The following KMT2C variants were observed in gnomAD, a reference collection of about 807,000 sequenced individuals.
The protein encoded by KMT2C is lysine methyltransferase 2C.
In KMT2C, 88 loss-of-function variants were observed where a neutral mutation model predicts 507.9. The observed-to-expected ratio is 0.17, with a 90% CI of 0.15 to 0.21. The LOEUF is 0.21. Among genes scored for constraint, KMT2C ranks in the 10% least tolerant of loss-of-function variants. The probability of loss-of-function intolerance (pLI) is 1.00; values close to 1 mark genes in which losing one functional copy is unlikely to be tolerated. For synonymous variants in KMT2C, 2,049 were observed against 2,080.8 expected (o/e 0.98, Z 0.42); for missense variants, 4,954 against 5,957.8 (o/e 0.83, Z 5.55).
chr7:152,228,148 G>T (rs994801056), intron 18 of KMT2C, among the ~76,000 whole-genome samples: 3 of 152,184 alleles, frequency 2.0e-5, no homozygotes, highest in African/African-American at 7.2e-5. Context: ...TGTACAGGTT[G>T]TGCTTCTGTA....
At chr7:152,202,141 C>T (rs984869581) in intron 26 of KMT2C, among the ~76,000 whole-genome samples, 7 of 152,168 alleles carry the variant, frequency 4.6e-5, no homozygotes, top group African/African-American at 1.7e-4. Context: ...TTAGGAGGAA[C>T]AGATCAGATG....
chr7:152,265,892 C>T (rs1394127938), intron 7 of KMT2C, among the ~76,000 whole-genome samples: 2 of 152,188 alleles, frequency 1.3e-5, no homozygotes, highest in African/African-American at 4.8e-5. Context: ...TCATCCATCC[C>T]TAAATGTGGA....
chr7:152,236,687 T>C (rs2095281559), intron 15 of KMT2C, among the ~76,000 whole-genome samples: 1 of 152,184 alleles, frequency 6.6e-6, no homozygotes, highest in African/African-American at 2.4e-5. Flanking sequence ...AAATTTATCA[T>C]TATTGTTATT....
chr7:152,385,561 G>A (rs2097417814), intron 1 of KMT2C, among the ~76,000 whole-genome samples: 4 of 93,292 alleles, frequency 4.3e-5, no homozygotes, highest in Admixed American at 1.4e-4. Flanking sequence ...GCAGTGAGCC[G>A]AGATCCCGCC....
At chr7:152,270,667 T>G (rs112725075) in intron 7 of KMT2C, among the ~76,000 whole-genome samples, 6 of 152,344 alleles carry the variant, frequency 3.9e-5, no homozygotes, top group South Asian at 2.1e-4. Flanking sequence ...TTATCTTGCA[T>G]GATTGGCTTT....
chr7:152,202,285 G>A (rs2094168045), intron 26 of KMT2C, among the ~76,000 whole-genome samples: 1 of 152,162 alleles, frequency 6.6e-6, no homozygotes, highest in South Asian at 2.1e-4. Flanking sequence ...TAGATGCAGA[G>A]CCAGATATTT....
chr7:152,431,389 G>C (rs1345832772), intron 1 of KMT2C, among the ~76,000 whole-genome samples: 1 of 152,090 alleles, frequency 6.6e-6, no homozygotes, highest in Non-Finnish European at 1.5e-5. Flanking sequence ...ATGAGGTCAA[G>C]AGATTGAGAC....
Position 152,145,271 on chromosome 7 carries a change from T to A in KMT2C, c.14056A>T (p.Asn4686Tyr). 6.2e-7 allele frequency: 1 copy of A among 1,614,070 alleles called. No homozygotes were observed. The highest frequency in any genetic ancestry group is 1.1e-5 in the South Asian group (1 of 91,068). Residue 4686 changes from asparagine to tyrosine, a missense_variant, in exon 54 of 59, where the codon AAT becomes TAT. Around this residue, in one of 29 missense-constraint regions of KMT2C, gnomAD observed 221 missense variants for 304.7 expected, o/e 0.73. Coordinates refer to ENST00000262189, the MANE Select transcript of KMT2C (RefSeq NM_170606.3). ...TTTCGGCCGTATCGGAAGGTATAATTTTCACATGCCTCAACCCCAGGAAGC... is the reference window on the plus strand; with the variant it reads ...TTTCGGCCGTATCGGAAGGTATAATATTCACATGCCTCAACCCCAGGAAGC... ...ESLPGVEACE[N>Y]YTFRYGRNPL...
At chr7:152,206,449 A>C (rs2094311013) in intron 24 of KMT2C, among the ~76,000 whole-genome samples, 1 of 152,168 alleles carries the variant, frequency 6.6e-6, no homozygotes, top group Non-Finnish European at 1.5e-5. Flanking sequence ...CCTATTTAAA[A>C]GATAGGTTAT....
intron 16 of KMT2C, among the ~76,000 whole-genome samples, chr7:152,235,274 C>A (rs2095244525): frequency 6.7e-6 from 1 of 149,884 alleles, no homozygotes; most frequent in Non-Finnish European, 1.5e-5. Flanking sequence ...TCAACTGTAC[C>A]TCAATAAGCC....
chr7:152,415,567 C>T (rs1589877424), intron 1 of KMT2C, among the ~76,000 whole-genome samples: 3 of 152,060 alleles, frequency 2.0e-5, no homozygotes, highest in African/African-American at 4.8e-5. Flanking sequence ...CTGGGCAATT[C>T]GCAAGAAATA....
chr7:152,301,308 G>A (rs190573976), intron 6 of KMT2C, among the ~76,000 whole-genome samples: 1 of 151,586 alleles, frequency 6.6e-6, no homozygotes, highest in Non-Finnish European at 1.5e-5. Context: ...TTCGAGACCA[G>A]CCTGGCCCAC....
At chr7:152,323,697 G>A (rs529671511) in intron 3 of KMT2C, among the ~76,000 whole-genome samples, 1 of 137,726 alleles carries the variant, frequency 7.3e-6, no homozygotes, top group Admixed American at 7.1e-5. Flanking sequence ...AAGGAAAGAA[G>A]GAAGGAAGGA....
In KMT2C at chr7:152,176,498, C is replaced by G. The variant is rs765252048; in HGVS notation, c.8955G>C (p.Gln2985His). ...TGAGCCCTGGGTTTACCTGCACACC[C>G]TGAGAAAAAACATGGTTTACCCTAG... ...VVSRVNHVFS[Q>H]GVQVNPGLIP... The change falls in exon 38 of 59, where the codon CAG (glutamine) becomes CAC (histidine). Residue 2985 changes from glutamine to histidine, a missense_variant. Physicochemically the swap from Gln to His is conservative, Grantham distance 24. Coordinates refer to ENST00000262189, the MANE Select transcript of KMT2C (RefSeq NM_170606.3). The G allele has an allele frequency of 1.9e-6, 3 of 1,614,080 alleles. No homozygotes were observed. The South Asian group carries it at 3.3e-5, about 18-fold the overall frequency.
At chr7:152,242,141 T>C (rs1374752322) in intron 14 of KMT2C, among the ~76,000 whole-genome samples, 1 of 152,198 alleles carries the variant, frequency 6.6e-6, no homozygotes, top group Non-Finnish European at 1.5e-5. Flanking sequence ...CCCTGTAATG[T>C]ATGGGCTCTT....
At chr7:152,194,605 C>G (rs2129129851) in intron 28 of KMT2C, 37 bp from the exon 29 acceptor site, 1 of 1,558,272 alleles carries the variant, frequency 6.4e-7, no homozygotes, top group Non-Finnish European at 8.8e-7. Context: ...AAGGTACATT[C>G]AGAATACTCA....
chr7:152,177,019 G>T lies in KMT2C; in HGVS notation c.8434C>A (p.Pro2812Thr), dbSNP rs2129114064. 6.2e-7 allele frequency: 1 copy of T among 1,613,794 alleles called. No individual in the cohort carries two copies. The highest frequency in any genetic ancestry group is 1.6e-4 in the Middle Eastern group (1 of 6,062). Reference protein sequence around the residue: ...KTLVLSDKHSPQKKSTVTNEV... With the variant: ...KTLVLSDKHSTQKKSTVTNEV... ...TTGGTAACAGTGGATTTTTTCTGTG[G>T]TGAATGTTTATCAGAGAGAACCAGA... Residue 2812 changes from proline (P) to threonine (T), a missense_variant, in exon 38 of 59, where the codon CCA becomes ACA. Pro to Thr is a conservative substitution (Grantham distance 38, BLOSUM62 -1). This residue lies in a region of KMT2C where 1,689 missense variants were observed against 1,654.3 expected (regional missense o/e 1.02). Coordinates refer to ENST00000262189, the MANE Select transcript of KMT2C (RefSeq NM_170606.3).
rs1338588997 is a variant in KMT2C at position 152,194,003 on chromosome 7, A to C, written c.4660+6T>G. 3 of 1,541,962 alleles carry C rather than the reference A, an allele frequency of 1.9e-6. No homozygotes were observed. The Admixed American group carries it at 6.9e-5, about 35-fold the overall frequency. On this transcript the variant is annotated splice_donor_region_variant and intron_variant, in intron 31 of 58. Transcript: ENST00000262189. Reference sequence around the variant, plus strand: ...TATAATGTAGAATTATAAAGTCATAACATACCCTGATTGTGTATTGGCAAC... The same window carrying C: ...TATAATGTAGAATTATAAAGTCATACCATACCCTGATTGTGTATTGGCAAC...
At chr7:152,366,768 C>G (rs1449872168) in intron 1 of KMT2C, 1 of 199,602 alleles carries the variant, frequency 5.0e-6, no homozygotes, top group Non-Finnish European at 1.0e-5. Flanking sequence ...CGGGATGTAA[C>G]CAGCCGCTGA....
Sources: gnomAD v4.1 joint callset for allele counts (sites outside exome capture counted in the v4.1 genomes callset) on GRCh38, gnomAD v4.1.1 for gene constraint, gnomAD v4.1.1 regional missense constraint, MANE v1.5 for transcripts, NCBI Gene and HGNC (gene_info 2026-07-23, HGNC 2026-07-21) for gene names.